Variants in TMEM272 observed in about 807,000 individuals in gnomAD.
The protein encoded by TMEM272 is long intergenic non-protein coding RNA 282.
Under a neutral mutation model 3.7 loss-of-function variants are expected in TMEM272, and 8 were observed. The ratio of observed to expected loss-of-function variants is 2.17; its 90% CI spans 1.27 to 3.91. The LOEUF (loss-of-function observed/expected upper bound fraction) is 3.91. TMEM272 is among the 30% of genes most tolerant of loss of function. TMEM272 has a pLI of 0.00. For synonymous variants in TMEM272, 63 were observed against 39.8 expected (o/e 1.58, Z -2.20); for missense variants, 166 against 91.5 (o/e 1.81, Z -3.32).
intron 1 of TMEM272, among the ~76,000 whole-genome samples, chr13:51,839,977 G>A (rs780370868): frequency 2.0e-5 from 3 of 152,210 alleles, no homozygotes; most frequent in Non-Finnish European, 2.9e-5. Flanking sequence ...ACCAGAGATA[G>A]TCAGTCCCCA....
the TMEM272 span, chr13:51,909,475 T>C: frequency 2.2e-6 from 2 of 913,060 alleles, no homozygotes; most frequent in African/African-American, 3.2e-5. Flanking sequence ...AACTCAGTCA[T>C]TAACTTTCTG....
At chr13:51,889,050 C>T in the TMEM272 span, among the ~76,000 whole-genome samples, 1 of 152,070 alleles carries the variant, frequency 6.6e-6, no homozygotes, top group Non-Finnish European at 1.5e-5. Flanking sequence ...ACATTGTGTC[C>T]AGGTGTAACT....
the TMEM272 span, among the ~76,000 whole-genome samples, chr13:51,867,559 C>T: frequency 3.3e-5 from 5 of 152,096 alleles, no homozygotes; most frequent in East Asian, 1.9e-4. Context: ...GAGAGTGGGC[C>T]GACTCCCAGG....
intron 2 of TMEM272, among the ~76,000 whole-genome samples, chr13:51,831,256 T>C (rs775339458): frequency 6.6e-6 from 1 of 152,040 alleles, no homozygotes; most frequent in Non-Finnish European, 1.5e-5. Flanking sequence ...ACCCCGTCTC[T>C]ACAAAAAACA....
Position 51,825,435 on chromosome 13 carries a change from A to C in TMEM272, c.118+1131T>G, listed in dbSNP as rs200805878. On this transcript the variant is annotated intron_variant, in intron 3 of 4. Transcript: ENST00000629372. ...ATTTAGTGGATTCACAGTGTTGTGC[A>C]ACTACCACCTCCATCTAGTTCGAAA... Among the ~76,000 whole-genome samples, 7 of 152,144 alleles carry C rather than the reference A, an allele frequency of 4.6e-5. No individual in the cohort carries two copies. The East Asian group carries it at 1.4e-3, about 29-fold the overall frequency.
At chr13:51,820,847 G>A (rs1049287684) in intron 4 of TMEM272, among the ~76,000 whole-genome samples, 8 of 152,214 alleles carry the variant, frequency 5.3e-5, no homozygotes, top group African/African-American at 1.7e-4. Context: ...TGGGGATGTT[G>A]TGATGGGGAT....
At chr13:51,885,922 G>A in the TMEM272 span, among the ~76,000 whole-genome samples, 1 of 152,144 alleles carries the variant, frequency 6.6e-6, no homozygotes, top group African/African-American at 2.4e-5. Context: ...TAAAAATATA[G>A]CGAGGGCCAT....
At chr13:51,833,329 T>C (rs1956188279) in intron 2 of TMEM272, among the ~76,000 whole-genome samples, 1 of 151,546 alleles carries the variant, frequency 6.6e-6, no homozygotes, top group Admixed American at 6.6e-5. Context: ...ATAAAGAGAG[T>C]TGTAGGGTTT....
At chr13:51,908,519 A>T in the TMEM272 span, 5 of 1,455,158 alleles carry the variant, frequency 3.4e-6, no homozygotes, top group Non-Finnish European at 4.8e-6. Context: ...TATCCACTGG[A>T]AACAATGGAC....
the TMEM272 span, among the ~76,000 whole-genome samples, chr13:51,916,099 C>G: frequency 6.6e-6 from 1 of 152,156 alleles, no homozygotes; most frequent in African/African-American, 2.4e-5. Flanking sequence ...ATCACTGACA[C>G]TTAACACTGG....
At chr13:51,853,008 T>C in the TMEM272 span, among the ~76,000 whole-genome samples, 1 of 152,186 alleles carries the variant, frequency 6.6e-6, no homozygotes, top group Admixed American at 6.5e-5. Flanking sequence ...TAGCCTAATG[T>C]TGACCAGAAA....
At chr13:51,874,480 G>C in the TMEM272 span, among the ~76,000 whole-genome samples, 1 of 152,194 alleles carries the variant, frequency 6.6e-6, no homozygotes, top group African/African-American at 2.4e-5. Context: ...ATGAAGGAAA[G>C]AATATTTGAT....
At chr13:51,853,330 A>C in the TMEM272 span, among the ~76,000 whole-genome samples, 69,232 of 151,920 alleles carry the variant, frequency 0.46, 16,468 homozygotes, top group Non-Finnish European at 0.52. Context: ...GAATCGCTTG[A>C]ACCTGGGAGG....
At chr13:51,912,610 G>A in the TMEM272 span, among the ~76,000 whole-genome samples, 2 of 152,126 alleles carry the variant, frequency 1.3e-5, no homozygotes, top group African/African-American at 4.8e-5. Context: ...GACCACTCCA[G>A]GAAGCCTCGC....
the TMEM272 span, chr13:51,910,520 C>T: frequency 9.5e-5 from 69 of 730,114 alleles, 1 homozygote; most frequent in South Asian, 4.6e-4. Context: ...CATAAGGATT[C>T]GAATTTGGTC....
chr13:51,856,613 T>C, the TMEM272 span, among the ~76,000 whole-genome samples: 2 of 152,316 alleles, frequency 1.3e-5, no homozygotes, highest in African/African-American at 4.8e-5. Context: ...CAGATTTCTC[T>C]TACCGTCATC....
the TMEM272 span, among the ~76,000 whole-genome samples, chr13:51,888,639 C>CTTTTTTTTTTTTTTT: frequency 8.3e-4 from 64 of 76,788 alleles, no homozygotes; most frequent in Non-Finnish European, 1.2e-3. Flanking sequence ...TTTTCTTTTT[C>CTTTTTTTTTTTTTTT]TTTTTTTTTT....
upstream of TMEM272, among the ~76,000 whole-genome samples, chr13:51,845,516 G>A (rs1245812693): frequency 6.6e-6 from 1 of 152,196 alleles, no homozygotes; most frequent in East Asian, 1.9e-4. Flanking sequence ...AGTGGGCTGA[G>A]GTAATGAGAG....
chr13:51,910,853 C>T, the TMEM272 span, among the ~76,000 whole-genome samples: 2 of 152,196 alleles, frequency 1.3e-5, no homozygotes, highest in African/African-American at 4.8e-5. Flanking sequence ...CCTGAGGCAG[C>T]GCTAAAACCT....
Sources: allele counts gnomAD v4.1 joint callset (sites outside exome capture counted in the v4.1 genomes callset), GRCh38; gene constraint gnomAD v4.1.1; transcripts MANE v1.5; gene names NCBI Gene and HGNC (gene_info 2026-07-23, HGNC 2026-07-21).